Variants in SHANK2 observed in about 807,000 individuals in gnomAD.
The protein encoded by SHANK2 is SH3 and multiple ankyrin repeat domains 2, also known as SH3 and multiple ankyrin repeat domains protein 2.
Under a neutral mutation model 133.7 loss-of-function variants are expected in SHANK2, and 43 were observed. The observed-to-expected ratio is 0.32, with a 90% confidence interval of 0.25 to 0.41. The LOEUF (loss-of-function observed/expected upper bound fraction) is 0.41. SHANK2 is among the 10% of genes least tolerant of loss of function. The probability of loss-of-function intolerance (pLI) is 1.00; values close to 1 mark genes in which losing one functional copy is unlikely to be tolerated. For missense variants in SHANK2, 1,994 were observed against 2,235.8 expected, an observed-to-expected ratio of 0.89 and a Z score of 2.18; for synonymous variants, 1,017 against 952.8, an observed-to-expected ratio of 1.07 and a Z score of -1.24.
chr11:71,058,950 C>T (rs1950954662), intron 9 of SHANK2, among the ~76,000 whole-genome samples: 12 of 152,228 alleles, frequency 7.9e-5, no homozygotes, highest in Non-Finnish European at 1.8e-4. Context: ...CGCGGTGGCT[C>T]ACGTCTGTAA....
chr11:70,759,346 G>A (rs144834893), intron 14 of SHANK2, among the ~76,000 whole-genome samples: 1,665 of 151,980 alleles, frequency 0.011, 24 homozygotes, highest in African/African-American at 0.038. Flanking sequence ...TTAGCCGGGC[G>A]TGGTGGCAGG....
chr11:71,201,294 A>G (rs559279534), intron 2 of SHANK2, among the ~76,000 whole-genome samples: 1 of 152,190 alleles, frequency 6.6e-6, no homozygotes, highest in South Asian at 2.1e-4. Context: ...CACGAGAAGC[A>G]CCTCTTGTCT....
At chr11:71,144,823 A>G (rs568208722) in intron 3 of SHANK2, among the ~76,000 whole-genome samples, 102 of 152,330 alleles carry the variant, frequency 6.7e-4, no homozygotes, top group African/African-American at 2.4e-3. Context: ...CTTATATTCA[A>G]ATAAAATAAC....
intron 2 of SHANK2, among the ~76,000 whole-genome samples, chr11:71,210,666 A>G (rs1954255883): frequency 6.6e-6 from 1 of 152,164 alleles, no homozygotes; most frequent in South Asian, 2.1e-4. Context: ...GCTGGAGACC[A>G]GATCACTCCA....
chr11:70,758,307 G>C (rs111638290), intron 14 of SHANK2, among the ~76,000 whole-genome samples: 2,399 of 152,292 alleles, frequency 0.016, 86 homozygotes, highest in African/African-American at 0.055. Context: ...TCTGGTCCGT[G>C]TTTGTTACGG....
chr11:70,762,164 A>G (rs2134985621), intron 14 of SHANK2, among the ~76,000 whole-genome samples: 1 of 152,396 alleles, frequency 6.6e-6, no homozygotes, highest in South Asian at 2.1e-4. Flanking sequence ...TAAAGCAGAC[A>G]GAATAGAGCA....
At chr11:70,752,489 C>G (rs1946770583) in intron 14 of SHANK2, among the ~76,000 whole-genome samples, 1 of 152,156 alleles carries the variant, frequency 6.6e-6, no homozygotes, top group South Asian at 2.1e-4. Context: ...GAGGCCGAGG[C>G]AGACGGATCA....
chr11:71,111,480 C>A (rs76719837), intron 5 of SHANK2, among the ~76,000 whole-genome samples: 4,463 of 152,326 alleles, frequency 0.029, 204 homozygotes, highest in African/African-American at 0.098. Flanking sequence ...AGTCATGATT[C>A]TCTGCCCATC....
chr11:70,868,548 C>T (rs1949408490), intron 11 of SHANK2, among the ~76,000 whole-genome samples: 1 of 152,174 alleles, frequency 6.6e-6, no homozygotes, highest in African/African-American at 2.4e-5. Flanking sequence ...GTCACACAGC[C>T]TGTGAAGGGC....
intron 2 of SHANK2, among the ~76,000 whole-genome samples, chr11:71,157,441 A>G (rs1170043775): frequency 2.6e-5 from 4 of 152,056 alleles, no homozygotes; most frequent in Non-Finnish European, 5.9e-5. Context: ...TTTCTCTTCC[A>G]TGCCTCAGCA....
At chr11:71,098,062 ACATGCCTGTGTGTATG>A (rs1951652769) in intron 6 of SHANK2, among the ~76,000 whole-genome samples, 1 of 133,792 alleles carries the variant, frequency 7.5e-6, no homozygotes, top group Non-Finnish European at 1.6e-5. Context: ...GCCTGTGTGT[ACATGCCTGTGTGTATG>A]CATGCCTGTT....
chr11:71,241,189 A>T (rs1315119140), intron 1 of SHANK2, among the ~76,000 whole-genome samples: 3 of 152,164 alleles, frequency 2.0e-5, no homozygotes, highest in Non-Finnish European at 4.4e-5. Context: ...CCCTGCATAG[A>T]AGAATGTTCC....
chr11:70,875,610 C>T (rs371726922), intron 11 of SHANK2, among the ~76,000 whole-genome samples: 1 of 152,156 alleles, frequency 6.6e-6, no homozygotes, highest in African/African-American at 2.4e-5. Flanking sequence ...CCTGCAATCC[C>T]AACACTTTGG....
intron 14 of SHANK2, among the ~76,000 whole-genome samples, chr11:70,784,347 T>TTTTTTTG (rs1267779841): frequency 1.7e-5 from 2 of 116,718 alleles, no homozygotes; most frequent in African/African-American, 8.5e-5. Context: ...CGGCTAGTTT[T>TTTTTTTG]TTTTTTTTTT....
chr11:71,205,832 T>C (rs1290734910), intron 2 of SHANK2, among the ~76,000 whole-genome samples: 1 of 152,012 alleles, frequency 6.6e-6, no homozygotes, highest in African/African-American at 2.4e-5. Context: ...CCAAGGATGG[T>C]CTCTTGGGGC....
At chr11:71,250,844 T>TA (rs138031429) in intron 1 of SHANK2, among the ~76,000 whole-genome samples, 2,358 of 152,218 alleles carry the variant, frequency 0.015, 68 homozygotes, top group African/African-American at 0.054. Flanking sequence ...ACATCCCAGA[T>TA]AGAGATCAAA....
chr11:70,841,301 A>C (rs962169852), intron 11 of SHANK2, among the ~76,000 whole-genome samples: 10 of 152,184 alleles, frequency 6.6e-5, no homozygotes, highest in African/African-American at 2.4e-4. Flanking sequence ...CCGCAGTGAA[A>C]GGTGGGCAGT....
intron 3 of SHANK2, among the ~76,000 whole-genome samples, chr11:71,145,321 T>C (rs117616158): frequency 0.026 from 4,007 of 152,314 alleles, 92 homozygotes; most frequent in Middle Eastern, 0.048. Context: ...AAAAGTTGCA[T>C]AAAAACCCCT....
intron 14 of SHANK2, among the ~76,000 whole-genome samples, chr11:70,724,114 C>T (rs1439536407): frequency 6.6e-6 from 1 of 151,448 alleles, no homozygotes; most frequent in Admixed American, 6.6e-5. Context: ...TGGTTCAATG[C>T]AACCTCTGCC....
Sources: allele counts gnomAD v4.1 joint callset (sites outside exome capture counted in the v4.1 genomes callset), GRCh38; gene constraint gnomAD v4.1.1; transcripts MANE v1.5; gene names NCBI Gene and HGNC (gene_info 2026-07-23, HGNC 2026-07-21).